Variants in CAAP1 observed in about 807,000 individuals in gnomAD.
CAAP1 encodes the protein conserved anti-apoptotic protein.
In CAAP1, 20 loss-of-function variants were observed where a neutral mutation model predicts 34.0. The ratio of observed to expected loss-of-function variants is 0.59; its 90% confidence interval spans 0.41 to 0.86. The LOEUF (loss-of-function observed/expected upper bound fraction) is 0.86. Ranked by LOEUF, CAAP1 falls within the 40% of genes least tolerant of loss-of-function variation. CAAP1 has a pLI of 0.00. For missense variants in CAAP1, 538 were observed against 450.5 expected (o/e 1.19, Z -1.76); for synonymous variants, 213 against 166.7 (o/e 1.28, Z -2.14).
intron 1 of CAAP1, among the ~76,000 whole-genome samples, chr9:26,891,422 C>T (rs1376385867): frequency 3.9e-5 from 6 of 152,088 alleles, no homozygotes; most frequent in Admixed American, 1.3e-4. Context: ...GACTATAAAT[C>T]TGTAAAGTCT....
At position 26,892,662 on chromosome 9, in the gene CAAP1, C is replaced by A. The variant is rs563208995; in HGVS notation, c.54G>T (p.Glu18Asp). The A allele has an allele frequency of 6.2e-7, 1 of 1,607,082 alleles. No individual in the cohort carries two copies. Among genetic ancestry groups the A allele is most frequent in the South Asian group, 1.1e-5 (1 of 90,944 alleles). Reference protein sequence around the residue: ...REKRRKRSSQEAAAALAAPDI... With the variant: ...REKRRKRSSQDAAAALAAPDI... ...CCGGGGCCGCGAGCGCTGCGGCCGC[C>A]TCCTGACTGCTACGTTTGCGCCGTT... Residue 18 changes from glutamate to aspartate, a missense_variant, in exon 1 of 6, where the codon GAG becomes GAT. Coordinates refer to ENST00000333916, the MANE Select transcript of CAAP1 (RefSeq NM_024828.4).
intron 5 of CAAP1, among the ~76,000 whole-genome samples, chr9:26,860,745 C>G (rs750806148): frequency 7.0e-4 from 106 of 152,172 alleles, no homozygotes; most frequent in Non-Finnish European, 1.1e-3. Flanking sequence ...GAGCCAAGAT[C>G]GCGCCACTGC....
At chr9:26,871,914 AAAAT>A (rs539844823) in intron 4 of CAAP1, among the ~76,000 whole-genome samples, 73 of 149,662 alleles carry the variant, frequency 4.9e-4, no homozygotes, top group African/African-American at 1.5e-3. Context: ...ACTTCATCTC[AAAAT>A]AAATAAATAA....
chr9:26,890,126 T>A (rs10967583), intron 1 of CAAP1, among the ~76,000 whole-genome samples: 6,452 of 152,002 alleles, frequency 0.042, 496 homozygotes, highest in African/African-American at 0.15. Flanking sequence ...TCCCAGCACT[T>A]TGGGAGGCTG....
intron 1 of CAAP1, 89 bp downstream of exon 1, chr9:26,892,324 G>C: frequency 6.4e-7 from 1 of 1,553,916 alleles, no homozygotes; most frequent in Non-Finnish European, 8.6e-7. Flanking sequence ...CTAGCAGTGA[G>C]CTCCAGCCTG....
intron 5 of CAAP1, among the ~76,000 whole-genome samples, chr9:26,854,500 T>C (rs1469937138): frequency 6.6e-6 from 1 of 152,216 alleles, no homozygotes; most frequent in Admixed American, 6.5e-5. Flanking sequence ...TATCTTCTTC[T>C]TGTGGGTCCC....
chr9:26,862,958 A>G (rs998994711), intron 4 of CAAP1, among the ~76,000 whole-genome samples: 2 of 152,142 alleles, frequency 1.3e-5, no homozygotes, highest in Admixed American at 1.3e-4. Flanking sequence ...GAAGTATGCA[A>G]ATGGGATAGA....
At chr9:26,844,460 C>T (rs1171540210) in intron 5 of CAAP1, among the ~76,000 whole-genome samples, 1 of 152,132 alleles carries the variant, frequency 6.6e-6, no homozygotes, top group African/African-American at 2.4e-5. Context: ...GTCACTGATT[C>T]TGAATAAGAA....
intron 2 of CAAP1, 80 bp downstream of exon 2, chr9:26,887,233 C>T (rs1310672087): frequency 1.3e-5 from 11 of 872,632 alleles, no homozygotes; most frequent in African/African-American, 6.9e-5. Context: ...CAAACAAAAC[C>T]GCATTAAGTA....
chr9:26,848,341 G>C (rs771463459), intron 5 of CAAP1, among the ~76,000 whole-genome samples: 2 of 151,990 alleles, frequency 1.3e-5, no homozygotes, highest in Admixed American at 1.3e-4. Context: ...GTGAAGCCCC[G>C]TCTCTACCAA....
At chr9:26,845,773 G>T (rs1822585467) in intron 5 of CAAP1, among the ~76,000 whole-genome samples, 1 of 152,076 alleles carries the variant, frequency 6.6e-6, no homozygotes, top group African/African-American at 2.4e-5. Context: ...TCTCTCATAA[G>T]GATATTAAAT....
At chr9:26,860,748 G>A (rs10967574) in intron 5 of CAAP1, among the ~76,000 whole-genome samples, 6,508 of 152,152 alleles carry the variant, frequency 0.043, 478 homozygotes, top group African/African-American at 0.15. Flanking sequence ...CCAAGATCGC[G>A]CCACTGCACT....
chr9:26,846,438 A>AAAAAAG (rs1554649509), intron 5 of CAAP1, among the ~76,000 whole-genome samples: 2 of 140,118 alleles, frequency 1.4e-5, no homozygotes, highest in African/African-American at 5.8e-5. Context: ...AAAAAAAAAA[A>AAAAAAG]AGAAGAAGAA....
At chr9:26,842,810 C>T (rs989630929) in intron 5 of CAAP1, among the ~76,000 whole-genome samples, 163 bp from the exon 6 acceptor site, 1 of 152,190 alleles carries the variant, frequency 6.6e-6, no homozygotes, top group African/African-American at 2.4e-5. Flanking sequence ...GACTCCTCAA[C>T]CTTCAAAGCA....
In CAAP1 at chr9:26,842,595, G is replaced by A. The variant is rs1587082551; in HGVS notation, c.792C>T (p.Ser264=). The A allele has an allele frequency of 6.2e-7, 1 of 1,613,966 alleles. No individual in the cohort carries two copies. Among genetic ancestry groups the A allele is most frequent in the South Asian group, 1.1e-5 (1 of 91,060 alleles). The change falls in exon 6 of 6, where the codon AGC becomes AGT. Residue 264 remains serine (S), a synonymous_variant. Coordinates refer to ENST00000333916, the MANE Select transcript of CAAP1 (RefSeq NM_024828.4). The stretch of plus-strand genomic sequence containing the variant: ...CTTCGTTGCATGGGCCTTCTATGTC[G>A]CTGTCATAAGCATCTGCATTTATAC... ...VLSINADAYD[S]DIEGPCNEEA... is the part of the protein sequence containing the mutation.
chr9:26,892,432 ACGCTGGAAGAGT>A lies in CAAP1; in HGVS notation c.272_283del (p.Asp91_Ser94del). ...ACGCACCTGCTGCAAGGAGCCCGAG[ACGCTGGAAGAGT>A]CGGTACTCCTCCGCTTCCGGCGCTC... is the stretch of plus-strand genomic sequence containing the variant. On this transcript the variant is annotated inframe_deletion, in exon 1 of 6. Transcript: ENST00000333916. The A allele has an allele frequency of 4.4e-6, 7 of 1,603,036 alleles. 1 individual carries two copies. In the South Asian group the frequency reaches 6.7e-5, roughly 15 times the overall value.
chr9:26,847,533 T>C (rs901445211), intron 5 of CAAP1, among the ~76,000 whole-genome samples: 1 of 152,034 alleles, frequency 6.6e-6, no homozygotes, highest in Non-Finnish European at 1.5e-5. Flanking sequence ...ATTTTTTTAA[T>C]TTACATTTAT....
rs141564018 is a variant in CAAP1 at position 26,846,978 on chromosome 9, C to T, written c.740-4331G>A. 2.3e-3 allele frequency among the ~76,000 whole-genome samples: 356 copies of T among 152,000 alleles called. 1 individual carries two copies. The highest frequency in any genetic ancestry group is 3.4e-3 in the Middle Eastern group (1 of 292). On this transcript the variant is annotated intron_variant, in intron 5 of 5. Coordinates refer to ENST00000333916, the MANE Select transcript of CAAP1 (RefSeq NM_024828.4). ...CTGGGATTACAGACATGAGCCACTG[C>T]GCCCGGCCAATTTTTCTTCTTCTTT... is the stretch of plus-strand genomic sequence containing the variant.
intron 5 of CAAP1, among the ~76,000 whole-genome samples, chr9:26,851,579 C>A (rs1822754570): frequency 6.6e-6 from 1 of 152,196 alleles, no homozygotes; most frequent in South Asian, 2.1e-4. Context: ...GGCACAATAA[C>A]AGGCTGACAT....
Sources: allele counts gnomAD v4.1 joint callset (sites outside exome capture counted in the v4.1 genomes callset), GRCh38; gene constraint gnomAD v4.1.1; transcripts MANE v1.5; gene names NCBI Gene and HGNC (gene_info 2026-07-23, HGNC 2026-07-21).